Variants in ZNF410 observed in about 807,000 individuals in gnomAD.
The protein encoded by ZNF410 is zinc finger protein 410, also known as another partner for ARF 1.
Under a neutral mutation model 54.8 loss-of-function variants are expected in ZNF410, and 18 were observed. The ratio of observed to expected loss-of-function variants is 0.33; its 90% CI spans 0.23 to 0.49. The LOEUF (loss-of-function observed/expected upper bound fraction) is 0.49. ZNF410 is among the 20% of genes least tolerant of loss of function. ZNF410 has a pLI of 0.99. For missense variants in ZNF410, 405 were observed against 569.6 expected (o/e 0.71, Z 2.94); for synonymous variants, 191 against 207.3 (o/e 0.92, Z 0.68).
Position 73,923,534 on chromosome 14 carries a change from T to G in ZNF410, c.1398+12T>G. The stretch of plus-strand genomic sequence containing the variant: ...TAAATCCACAAGAGGTAAAGTGGTC[T>G]CTTGCCCTTTGTTTCTGTGACAATT... On this transcript the variant is annotated intron_variant, in intron 11 of 11. Transcript: ENST00000555044. The G allele has an allele frequency of 6.2e-7, 1 of 1,608,028 alleles. No individual in the cohort carries two copies. The highest frequency in any genetic ancestry group is 1.3e-5 in the African/African-American group (1 of 74,854).
intron 5 of ZNF410, among the ~76,000 whole-genome samples, chr14:73,900,265 C>T (rs189855697): frequency 0.017 from 2,601 of 151,742 alleles, 40 homozygotes; most frequent in Middle Eastern, 0.096. Context: ...CCCTAAAAGC[C>T]TTTTATTTTT....
intron 7 of ZNF410, among the ~76,000 whole-genome samples, chr14:73,908,031 A>G (rs2055518568): frequency 6.6e-6 from 1 of 152,156 alleles, no homozygotes; most frequent in African/African-American, 2.4e-5. Flanking sequence ...TTATCTCCAT[A>G]TTGTAGATGA....
intron 11 of ZNF410, among the ~76,000 whole-genome samples, chr14:73,924,991 A>G (rs975794509): frequency 1.3e-5 from 2 of 151,906 alleles, no homozygotes; most frequent in Admixed American, 6.6e-5. Flanking sequence ...TCTTTTCATT[A>G]TAACCTTTAT....
rs1212716652 is a variant in ZNF410 at position 73,932,197 on chromosome 14, C to T, written c.*656C>T. 3.0e-6 allele frequency: 1 copy of T among 337,596 alleles called. No individual in the cohort carries two copies. The allele number at this position is 337,596 out of a possible 1,614,324, so 20.9% of individuals were successfully genotyped here. ...TACAGTAGCATGTTAAGAGGGATTT[C>T]ATGTTTTTGTTTTTTTAAAGTTAAA... On this transcript the variant is annotated 3_prime_UTR_variant, in exon 12 of 12. Coordinates refer to ENST00000555044, the MANE Select transcript of ZNF410 (RefSeq NM_021188.3).
intron 1 of ZNF410, among the ~76,000 whole-genome samples, chr14:73,890,945 T>C (rs1416882739): frequency 6.6e-6 from 1 of 151,932 alleles, no homozygotes; most frequent in African/African-American, 2.4e-5. Context: ...GAGGCAGAGG[T>C]TGTGGTGAGC....
At chr14:73,898,314 G>C in intron 5 of ZNF410, 52 bp downstream of exon 5, 1 of 1,582,920 alleles carries the variant, frequency 6.3e-7, no homozygotes, top group Non-Finnish European at 8.7e-7. Flanking sequence ...AGAGATTTTG[G>C]TAATGCAGTG....
intron 8 of ZNF410, chr14:73,916,638 G>C (rs979728697): frequency 3.3e-5 from 5 of 152,066 alleles, no homozygotes; most frequent in African/African-American, 9.7e-5. Context: ...GTTCCTTATA[G>C]TTGGAACCAC....
chr14:73,888,882 C>T (rs1360086801), intron 1 of ZNF410, among the ~76,000 whole-genome samples: 4 of 151,960 alleles, frequency 2.6e-5, no homozygotes, highest in Non-Finnish European at 5.9e-5. Context: ...TTATTCATAC[C>T]GTACACATAC....
rs1028474202 is a variant in ZNF410 at position 73,910,500 on chromosome 14, T to A, written c.1003+1070T>A. On this transcript the variant is annotated intron_variant, in intron 8 of 11. Transcript: ENST00000555044. ...GGCTCACGCCTGTAATCCCAACACT[T>A]TGGGAGGCCGAGGCAGGTGGATCAC... Among the ~76,000 whole-genome samples, 5 of 152,138 alleles carry A rather than the reference T, an allele frequency of 3.3e-5. No individual in the cohort carries two copies. The East Asian group carries it at 9.7e-4, about 29-fold the overall frequency.
chr14:73,904,804 G>T, intron 6 of ZNF410, 98 bp from the exon 7 acceptor site: 1 of 1,350,170 alleles, frequency 7.4e-7, no homozygotes, highest in Non-Finnish European at 1.0e-6. Context: ...CCAGTTTTTG[G>T]ACTTACTGTT....
intron 7 of ZNF410, among the ~76,000 whole-genome samples, chr14:73,906,108 C>G (rs2055486928): frequency 6.6e-6 from 1 of 151,354 alleles, no homozygotes; most frequent in African/African-American, 2.4e-5. Context: ...ATGCCATTCT[C>G]CTGCCTCAGC....
intron 11 of ZNF410, among the ~76,000 whole-genome samples, chr14:73,928,944 A>C (rs2055872808): frequency 6.6e-6 from 1 of 152,064 alleles, no homozygotes; most frequent in African/African-American, 2.4e-5. Context: ...CTATCCCAAA[A>C]ATCAAACAAA....
chr14:73,927,411 T>C (rs1234028867), intron 11 of ZNF410, among the ~76,000 whole-genome samples: 3 of 152,330 alleles, frequency 2.0e-5, no homozygotes, highest in Admixed American at 1.3e-4. Flanking sequence ...GAAATACTTC[T>C]CTCATCAACC....
intron 8 of ZNF410, chr14:73,915,895 A>C (rs2055660032): frequency 6.6e-6 from 1 of 152,272 alleles, no homozygotes; most frequent in Non-Finnish European, 1.5e-5. Context: ...GTCAGGGTGT[A>C]TAGTCCTATT....
At chr14:73,920,687 A>G in intron 8 of ZNF410, 1 of 277,716 alleles carries the variant, frequency 3.6e-6, no homozygotes. Context: ...AAAAGAAGGC[A>G]TATTTTTTGT....
intron 2 of ZNF410, among the ~76,000 whole-genome samples, chr14:73,892,715 G>A (rs1211867938): frequency 2.6e-5 from 4 of 152,120 alleles, no homozygotes; most frequent in Non-Finnish European, 5.9e-5. Context: ...TTGAGGATTG[G>A]CATTGCTCCT....
At chr14:73,928,499 G>A (rs771667338) in intron 11 of ZNF410, among the ~76,000 whole-genome samples, 86 of 152,302 alleles carry the variant, frequency 5.6e-4, no homozygotes, top group Non-Finnish European at 8.2e-4. Context: ...AGGGTATGAC[G>A]TGATCAGATT....
chr14:73,898,177 C>A lies in ZNF410; in HGVS notation c.495C>A (p.Phe165Leu). The change falls in exon 5 of 12, where the codon TTC becomes TTA. Residue 165 changes from phenylalanine to leucine, a missense_variant. By Grantham distance (22) the Phe-to-Leu change is conservative. Around this residue, in one of 3 missense-constraint regions of ZNF410, gnomAD observed 247 missense variants for 342.8 expected, o/e 0.72. Coordinates refer to ENST00000555044, the MANE Select transcript of ZNF410 (RefSeq NM_021188.3). ...GCACAGACAGTAGCATTCCATGGTTCCTCCGGGTTCAGGAGTTGGCCCATG... is the reference window on the plus strand; with the variant it reads ...GCACAGACAGTAGCATTCCATGGTTACTCCGGGTTCAGGAGTTGGCCCATG... ...SESTDSSIPW[F>L]LRVQELAHDS... The A allele has an allele frequency of 1.9e-6, 3 of 1,614,092 alleles. No individual in the cohort carries two copies. Among genetic ancestry groups the A allele is most frequent in the Non-Finnish European group, 2.5e-6 (3 of 1,180,036 alleles).
chr14:73,932,340 C>T lies in ZNF410; in HGVS notation c.*799C>T. 2.8e-6 allele frequency: 1 copy of T among 358,384 alleles called. No individual in the cohort carries two copies. The highest frequency in any genetic ancestry group is 5.4e-6 in the Non-Finnish European group (1 of 184,260). The allele number at this position is 358,384 out of a possible 1,614,324, so 22.2% of individuals were successfully genotyped here. A position where few individuals can be genotyped will look rare whatever the true frequency, so the allele number is the denominator to read the frequency against. On this transcript the variant is annotated 3_prime_UTR_variant, in exon 12 of 12. Coordinates refer to ENST00000555044, the MANE Select transcript of ZNF410 (RefSeq NM_021188.3). ...TTAGAGATTAAGAATTTAATCTTTC[C>T]CTTTAAAATAGTGTATTGATTTACC...
Sources: allele counts gnomAD v4.1 joint callset (sites outside exome capture counted in the v4.1 genomes callset), GRCh38; gene constraint gnomAD v4.1.1; regional missense constraint gnomAD v4.1.1; transcripts MANE v1.5; gene names NCBI Gene and HGNC (gene_info 2026-07-23, HGNC 2026-07-21).